Variants in COLQ observed in about 807,000 individuals in gnomAD.
COLQ encodes the protein collagen like tail subunit of asymmetric acetylcholinesterase.
A neutral mutation model predicts 69.0 loss-of-function variants in COLQ; 48 were observed. The ratio of observed to expected loss-of-function variants is 0.70; its 90% CI spans 0.55 to 0.88. The LOEUF (loss-of-function observed/expected upper bound fraction) is 0.88. Among genes scored for constraint, COLQ ranks in the 40% least tolerant of loss-of-function variants. The pLI is 0.00. For synonymous variants in COLQ, 217 were observed against 211.2 expected, an observed-to-expected ratio of 1.03 and a Z score of -0.24; for missense variants, 618 against 594.6, an observed-to-expected ratio of 1.04 and a Z score of -0.41.
intron 1 of COLQ, among the ~76,000 whole-genome samples, chr3:15,494,011 A>T (rs1347527368): frequency 6.6e-6 from 1 of 152,212 alleles, no homozygotes; most frequent in Non-Finnish European, 1.5e-5. Flanking sequence ...TGAACTTGGG[A>T]GGCAGAGGTT....
At chr3:15,517,630 A>T (rs965138848) in intron 1 of COLQ, among the ~76,000 whole-genome samples, 12 of 152,166 alleles carry the variant, frequency 7.9e-5, no homozygotes, top group African/African-American at 2.9e-4. Context: ...ACCCACAAAC[A>T]CATGAACTTC....
At chr3:15,504,800 C>T (rs973904095) in intron 1 of COLQ, among the ~76,000 whole-genome samples, 3 of 152,178 alleles carry the variant, frequency 2.0e-5, no homozygotes, top group Non-Finnish European at 2.9e-5. Context: ...CTGAAGGTTG[C>T]GGTGAGCCGA....
intron 1 of COLQ, among the ~76,000 whole-genome samples, chr3:15,520,976 C>A (rs1489255512): frequency 2.6e-5 from 4 of 152,150 alleles, no homozygotes; most frequent in African/African-American, 9.7e-5. Context: ...AAGGGAAAAC[C>A]TAGTCCTGAG....
chr3:15,463,000 G>C (rs1190686615), intron 12 of COLQ, among the ~76,000 whole-genome samples: 2 of 152,152 alleles, frequency 1.3e-5, no homozygotes, highest in Non-Finnish European at 2.9e-5. Context: ...GGGTGGAAGA[G>C]AGGGAGCTGG....
In COLQ at chr3:15,479,379, G is replaced by T; in HGVS notation, c.325C>A (p.Pro109Thr). Residue 109 changes from proline (P) to threonine (T), a missense_variant, in exon 4 of 17, where the codon CCA becomes ACA. Transcript: ENST00000383788. ...GSPGPPGPQG[P>T]PGLPGKTGPK... The stretch of plus-strand genomic sequence containing the variant: ...CCTGTCTTGCCAGGAAGCCCCGGTG[G>T]ACCCTAATCAATCAAGATAAAAAGT... 6.2e-7 allele frequency: 1 copy of T among 1,614,028 alleles called. No homozygotes were observed. The highest frequency in any genetic ancestry group is 1.1e-5 in the South Asian group (1 of 91,080).
intron 1 of COLQ, among the ~76,000 whole-genome samples, chr3:15,510,297 C>G (rs2062967672): frequency 2.6e-5 from 4 of 152,174 alleles, no homozygotes. Flanking sequence ...TGAGAGCAAA[C>G]TGTATGTCAG....
chr3:15,512,036 A>G (rs2062993870), intron 1 of COLQ, among the ~76,000 whole-genome samples: 1 of 152,192 alleles, frequency 6.6e-6, no homozygotes, highest in Non-Finnish European at 1.5e-5. Flanking sequence ...GTCCCCAAGA[A>G]GCCCCATGCC....
At chr3:15,488,647 T>G (rs2062617103) in intron 2 of COLQ, among the ~76,000 whole-genome samples, 1 of 152,182 alleles carries the variant, frequency 6.6e-6, no homozygotes, top group South Asian at 2.1e-4. Context: ...ACTGTAATTT[T>G]AAATTGTCTA....
At chr3:15,499,019 A>ATG in intron 1 of COLQ, 2 of 980,318 alleles carry the variant, frequency 2.0e-6, no homozygotes, top group Admixed American at 5.6e-5. Flanking sequence ...CCTCAAAGTC[A>ATG]ACCCCCCACC....
At chr3:15,477,593 C>A (rs2125120437) in intron 5 of COLQ, 1 of 224,186 alleles carries the variant, frequency 4.5e-6, no homozygotes, top group South Asian at 6.6e-5. Context: ...TCTTTTTGAC[C>A]TGCTCAGAGT....
rs115167978 is a variant in COLQ, at chr3:15,493,246, G to A, written c.107-3609C>T. 8.6e-3 allele frequency among the ~76,000 whole-genome samples: 1,304 copies of A among 152,314 alleles called. 17 individuals are homozygous for A. The highest frequency in any genetic ancestry group is 0.027 in the African/African-American group (1,138 of 41,568). On this transcript the variant is annotated intron_variant, in intron 1 of 16. Transcript: ENST00000383788. ...AAGGAGGGGAGGCTCCCCAGGGAGC[G>A]GGAGGAATGGCAGGAGAAAGACCCA...
chr3:15,474,349 T>C (rs2062342133), intron 8 of COLQ, 77 bp from the exon 9 acceptor site: 1 of 1,468,826 alleles, frequency 6.8e-7, no homozygotes, highest in Non-Finnish European at 9.5e-7. Flanking sequence ...ACTGAAAAGC[T>C]CCCTAAACCA....
At chr3:15,456,077 C>A (rs2062020513) in intron 14 of COLQ, 58 bp from the exon 15 acceptor site, 2 of 1,605,590 alleles carry the variant, frequency 1.2e-6, no homozygotes, top group East Asian at 4.5e-5. Flanking sequence ...CAGCCGCAGG[C>A]AGGGAGGTCA....
In COLQ at chr3:15,473,053, T is replaced by C. The variant is rs2062318307; in HGVS notation, c.636+947A>G. The stretch of plus-strand genomic sequence containing the variant: ...TTTTTTTTTTTTAGAGATGAGATAG[T>C]ACTATATTGCCCAAGCTGAGTATTT... On this transcript the variant is annotated intron_variant, in intron 10 of 16. Coordinates refer to ENST00000383788, the MANE Select transcript of COLQ (RefSeq NM_005677.4). The surrounding 1 kb of genome is among the most constrained non-coding windows in gnomAD (Gnocchi z 4.0). Among the ~76,000 whole-genome samples the C allele has an allele frequency of 6.6e-6, 1 of 151,822 alleles. No individual in the cohort carries two copies. The highest frequency in any genetic ancestry group is 1.5e-5 in the Non-Finnish European group (1 of 67,976).
At chr3:15,518,261 A>C (rs906004696) in intron 1 of COLQ, among the ~76,000 whole-genome samples, 2 of 152,050 alleles carry the variant, frequency 1.3e-5, no homozygotes, top group African/African-American at 4.8e-5. Context: ...TTCTTTTTGA[A>C]ATCTCAGGCC....
chr3:15,518,739 G>A (rs2063095742), intron 1 of COLQ, among the ~76,000 whole-genome samples: 1 of 152,056 alleles, frequency 6.6e-6, no homozygotes, highest in African/African-American at 2.4e-5. Context: ...CCCTTTCCGG[G>A]GCATTTACCA....
At chr3:15,489,708 G>T in intron 1 of COLQ, 71 bp from the exon 2 acceptor site, 1 of 1,381,548 alleles carries the variant, frequency 7.2e-7, no homozygotes, top group South Asian at 1.2e-5. Context: ...ACCGTGCCCA[G>T]GGAAGACCCA....
intron 1 of COLQ, chr3:15,498,980 A>C: frequency 8.6e-7 from 1 of 1,164,198 alleles, no homozygotes; most frequent in Non-Finnish European, 1.1e-6. Flanking sequence ...GACTCAAAAT[A>C]CCACAGCAGT....
intron 1 of COLQ, among the ~76,000 whole-genome samples, chr3:15,516,444 A>C (rs1412810268): frequency 6.6e-6 from 1 of 152,144 alleles, no homozygotes; most frequent in African/African-American, 2.4e-5. Flanking sequence ...CTTCCATCTG[A>C]TCTCACTCTA....
Sources: allele counts gnomAD v4.1 joint callset (sites outside exome capture counted in the v4.1 genomes callset), GRCh38; gene constraint gnomAD v4.1.1; non-coding constraint Gnocchi (gnomAD v3.1); transcripts MANE v1.5; gene names NCBI Gene and HGNC (gene_info 2026-07-23, HGNC 2026-07-21).